GPD1L: variants seen among roughly 807,000 people sequenced by gnomAD.
GPD1L encodes glycerol-3-phosphate dehydrogenase 1-like protein.
GPD1L carries 17 observed loss-of-function variants against 32.9 expected under a neutral mutation model. The observed-to-expected ratio is 0.52, with a 90% CI of 0.35 to 0.78. GPD1L has a LOEUF of 0.78. Among genes scored for constraint, GPD1L ranks in the 30% least tolerant of loss-of-function variants. GPD1L has a pLI of 0.01. For synonymous variants in GPD1L, 187 were observed against 165.9 expected (o/e 1.13, Z -0.98); for missense variants, 361 against 447.8 (o/e 0.81, Z 1.75).
chr3:32,130,169 A>G (rs1005812525), intron 2 of GPD1L, among the ~76,000 whole-genome samples: 1 of 152,034 alleles, frequency 6.6e-6, no homozygotes, highest in African/African-American at 2.4e-5. Context: ...ATCGACATAG[A>G]GGAGTTGAGA....
In GPD1L at chr3:32,124,773, T is replaced by C. The variant is rs550018664; in HGVS notation, c.48-3303T>C. Among the ~76,000 whole-genome samples the C allele has an allele frequency of 4.7e-4, 72 of 152,038 alleles. 2 individuals carry two copies. The South Asian group carries it at 1.0e-2, about 21-fold the overall frequency. On this transcript the variant is annotated intron_variant, in intron 1 of 7. Coordinates refer to ENST00000282541, the MANE Select transcript of GPD1L (RefSeq NM_015141.4). ...AGATTTCATCTCTACAAAAACTTTTTAAAAAATTAGCTGGGCGTGGTGGCA... is the reference window on the plus strand; with the variant it reads ...AGATTTCATCTCTACAAAAACTTTTCAAAAAATTAGCTGGGCGTGGTGGCA...
chr3:32,151,676 A>T lies in GPD1L; in HGVS notation c.618+4942A>T, dbSNP rs368770716. 1.9e-4 allele frequency: 32 copies of T among 168,502 alleles called. No individual in the cohort carries two copies. In the South Asian group the frequency reaches 4.9e-3, roughly 26 times the overall value. 10.4% of individuals were successfully genotyped at this position (168,502 alleles called of 1,614,324 possible). A position where few individuals can be genotyped will look rare whatever the true frequency, so the allele number is the denominator to read the frequency against. On this transcript the variant is annotated intron_variant, in intron 5 of 7. Transcript: ENST00000282541. ...GTATTTTTTGTGGAGACAGAGTTTCACCATGTTGCCCAGTCTGATCTCAAA... is the reference window on the plus strand; with the variant it reads ...GTATTTTTTGTGGAGACAGAGTTTCTCCATGTTGCCCAGTCTGATCTCAAA...
At chr3:32,151,439 A>G (rs1700917618) in intron 5 of GPD1L, 4 of 524,918 alleles carry the variant, frequency 7.6e-6, no homozygotes, top group Admixed American at 5.9e-5. Context: ...GATGTCTACA[A>G]TATCATCTTT....
intron 5 of GPD1L, among the ~76,000 whole-genome samples, chr3:32,148,620 G>A (rs1302433748): frequency 6.6e-6 from 1 of 152,204 alleles, no homozygotes; most frequent in Non-Finnish European, 1.5e-5. Flanking sequence ...GATCCAAAGA[G>A]CAAATGACTT....
At chr3:32,138,366 G>A (rs1169351312) in intron 2 of GPD1L, among the ~76,000 whole-genome samples, 1 of 152,166 alleles carries the variant, frequency 6.6e-6, no homozygotes, top group African/African-American at 2.4e-5. Flanking sequence ...GAGGGGTGGA[G>A]AGGATAACTC....
chr3:32,166,051 G>T lies in GPD1L; in HGVS notation c.*141G>T, dbSNP rs1258937665. ...TATGAATTTTTACAGGTTCGTTTTTGAATTGTGAGAGGCAGTTCATTAGCA... is the reference window on the plus strand; with the variant it reads ...TATGAATTTTTACAGGTTCGTTTTTTAATTGTGAGAGGCAGTTCATTAGCA... On this transcript the variant is annotated 3_prime_UTR_variant, in exon 8 of 8. Coordinates refer to ENST00000282541, the MANE Select transcript of GPD1L (RefSeq NM_015141.4). 3 of 698,056 alleles carry T rather than the reference G, an allele frequency of 4.3e-6. No individual in the cohort carries two copies. The highest frequency in any genetic ancestry group is 7.9e-6 in the Non-Finnish European group (3 of 378,608). 43.2% of individuals were successfully genotyped at this position (698,056 alleles called of 1,614,324 possible). A position where few individuals can be genotyped will look rare whatever the true frequency, so the allele number is the denominator to read the frequency against.
chr3:32,138,628 C>A lies in GPD1L; in HGVS notation c.267C>A (p.Asp89Glu). 1.2e-6 allele frequency: 2 copies of A among 1,613,840 alleles called. No homozygotes were observed. The highest frequency in any genetic ancestry group is 1.7e-6 in the Non-Finnish European group (2 of 1,179,776). Residue 89 changes from aspartate to glutamate, a missense_variant, in exon 3 of 8, where the codon GAC becomes GAA. Transcript: ENST00000282541. ...TTAGCGAGGCTGTGCAGGATGCAGA[C>A]CTGCTGGTGTTTGTCATTCCCCACC... ...SNLSEAVQDA[D>E]LLVFVIPHQF...
intron 1 of GPD1L, among the ~76,000 whole-genome samples, chr3:32,107,772 C>G (rs183575557): frequency 1.3e-4 from 20 of 152,326 alleles, no homozygotes; most frequent in Admixed American, 8.5e-4. Flanking sequence ...TTACCTGGTT[C>G]TTCACTTTTC....
rs1005962668 is a variant in GPD1L, at chr3:32,115,942, C to T, written c.47+9184C>T. Among the ~76,000 whole-genome samples the T allele has an allele frequency of 5.3e-5, 8 of 152,022 alleles. No individual in the cohort carries two copies. In the East Asian group the frequency reaches 1.5e-3, roughly 29 times the overall value. ...AGCTGGGACTGCAGGCATGTGCCAC[C>T]ACGCCAGGCTAATTTTTTTGTATTT... On this transcript the variant is annotated intron_variant, in intron 1 of 7. Transcript: ENST00000282541.
chr3:32,144,777 C>A (rs569638519), intron 4 of GPD1L, among the ~76,000 whole-genome samples: 1 of 151,594 alleles, frequency 6.6e-6, no homozygotes, highest in East Asian at 2.0e-4. Flanking sequence ...CCTCCGCCCC[C>A]TGGGCTCAAA....
Position 32,166,908 on chromosome 3 carries a change from G to T in GPD1L, c.*998G>T, listed in dbSNP as rs1181570593. 6.6e-6 allele frequency: 1 copy of T among 152,032 alleles called. No individual in the cohort carries two copies. Among genetic ancestry groups the T allele is most frequent in the African/African-American group, 2.4e-5 (1 of 41,354 alleles). 9.4% of individuals were successfully genotyped at this position (152,032 alleles called of 1,614,324 possible). A position where few individuals can be genotyped will look rare whatever the true frequency, so the allele number is the denominator to read the frequency against. On this transcript the variant is annotated 3_prime_UTR_variant, in exon 8 of 8. Coordinates refer to ENST00000282541, the MANE Select transcript of GPD1L (RefSeq NM_015141.4). ...TGAGGCCATAGGAGGGCTTCCTGCAGCTGAGATCTATGCAGGCCATCCTCT... is the reference window on the plus strand; with the variant it reads ...TGAGGCCATAGGAGGGCTTCCTGCATCTGAGATCTATGCAGGCCATCCTCT...
intron 7 of GPD1L, among the ~76,000 whole-genome samples, chr3:32,164,987 T>C (rs532588239): frequency 6.6e-6 from 1 of 152,174 alleles, no homozygotes; most frequent in South Asian, 2.1e-4. Flanking sequence ...GGGTGGATCA[T>C]GAGGTTAGGA....
intron 1 of GPD1L, among the ~76,000 whole-genome samples, chr3:32,110,360 C>T (rs1700229181): frequency 6.6e-6 from 1 of 152,212 alleles, no homozygotes; most frequent in South Asian, 2.1e-4. Context: ...TAATACAGAT[C>T]ACCAAGAGAT....
chr3:32,159,675 G>T lies in GPD1L; in HGVS notation c.959+1G>T, dbSNP rs776874178. On this transcript the variant is annotated splice_donor_variant, in intron 7 of 7. Transcript: ENST00000282541. LOFTEE classifies it high-confidence loss of function. ...TCAAACAGAAGGGACTACTGGACAA[G>T]TAAGTCTCTCAGTCGCCCATGAGAC... The T allele has an allele frequency of 5.7e-6, 9 of 1,565,806 alleles. No homozygotes were observed. Among genetic ancestry groups the T allele is most frequent in the Non-Finnish European group, 7.9e-6 (9 of 1,136,334 alleles).
chr3:32,115,674 C>A (rs893275898), intron 1 of GPD1L, among the ~76,000 whole-genome samples: 2 of 151,186 alleles, frequency 1.3e-5, no homozygotes, highest in African/African-American at 4.9e-5. Context: ...GAAATATCCC[C>A]AAGCTGAAAT....
intron 5 of GPD1L, among the ~76,000 whole-genome samples, chr3:32,154,536 T>G (rs1386395771): frequency 1.3e-5 from 2 of 152,120 alleles, no homozygotes; most frequent in Non-Finnish European, 2.9e-5. Flanking sequence ...CTCTGTGCCT[T>G]TCACTCACTG....
chr3:32,116,109 G>A (rs1265268110), intron 1 of GPD1L, among the ~76,000 whole-genome samples: 1 of 151,996 alleles, frequency 6.6e-6, no homozygotes, highest in Non-Finnish European at 1.5e-5. Flanking sequence ...TTTAAGTTGG[G>A]TTTCTTGAGT....
chr3:32,119,961 T>C (rs571670272), intron 1 of GPD1L, among the ~76,000 whole-genome samples: 3 of 152,310 alleles, frequency 2.0e-5, no homozygotes, highest in Admixed American at 2.0e-4. Context: ...AACTTGATAG[T>C]GTCAACCTAA....
intron 1 of GPD1L, among the ~76,000 whole-genome samples, chr3:32,124,852 G>A (rs1700484432): frequency 6.6e-6 from 1 of 152,160 alleles, no homozygotes; most frequent in Non-Finnish European, 1.5e-5. Flanking sequence ...GAGCCTGGGA[G>A]GTCAAGGCTG....
Sources: allele counts gnomAD v4.1 joint callset (sites outside exome capture counted in the v4.1 genomes callset), GRCh38; gene constraint gnomAD v4.1.1; transcripts MANE v1.5; gene names NCBI Gene and HGNC (gene_info 2026-07-23, HGNC 2026-07-21).